Variants in CEP112 observed in about 807,000 individuals in gnomAD.
The protein encoded by CEP112 is centrosomal protein 112.
In CEP112, 127 loss-of-function variants were observed where a neutral mutation model predicts 153.0. That is an observed-to-expected ratio of 0.83 (90% CI 0.72 to 0.96). The LOEUF is 0.96. Ranked by LOEUF, CEP112 falls within the 40% of genes least tolerant of loss-of-function variation. The pLI is 0.00. For synonymous variants in CEP112, 358 were observed against 374.4 expected (o/e 0.96, Z 0.51); for missense variants, 1,089 against 1,101.2 (o/e 0.99, Z 0.16).
intron 21 of CEP112, among the ~76,000 whole-genome samples, chr17:65,821,403 G>A (rs904770197): frequency 2.0e-5 from 3 of 147,420 alleles, no homozygotes; most frequent in African/African-American, 7.5e-5. Flanking sequence ...TGTTTAAGGG[G>A]AATATAATGC....
intron 21 of CEP112, among the ~76,000 whole-genome samples, chr17:65,848,788 G>T (rs565960153): frequency 7.2e-5 from 11 of 152,118 alleles, no homozygotes; most frequent in Non-Finnish European, 1.3e-4. Flanking sequence ...ATTCCTGATC[G>T]ATTTATATTT....
At chr17:66,144,291 T>A (rs2070830394) in intron 4 of CEP112, among the ~76,000 whole-genome samples, 1 of 152,196 alleles carries the variant, frequency 6.6e-6, no homozygotes, top group Non-Finnish European at 1.5e-5. Context: ...CAAGCAGTAT[T>A]TTCAAGAGTC....
intron 18 of CEP112, among the ~76,000 whole-genome samples, chr17:65,950,188 A>G (rs927512598): frequency 6.6e-6 from 1 of 152,178 alleles, no homozygotes; most frequent in African/African-American, 2.4e-5. Flanking sequence ...GTTAGGTGGA[A>G]AATAGCTTAT....
chr17:65,846,669 C>T (rs930412300), intron 21 of CEP112, among the ~76,000 whole-genome samples: 1 of 152,140 alleles, frequency 6.6e-6, no homozygotes, highest in Non-Finnish European at 1.5e-5. Context: ...CCCGGGTTCA[C>T]GCCATTCTCT....
At chr17:65,925,135 GC>G (rs1269296560) in intron 19 of CEP112, among the ~76,000 whole-genome samples, 9 of 152,152 alleles carry the variant, frequency 5.9e-5, no homozygotes, top group African/African-American at 2.2e-4. Context: ...CATGGGGGCA[GC>G]TTCCCCCCGT....
At chr17:65,713,722 G>A (rs1205783284) in intron 23 of CEP112, among the ~76,000 whole-genome samples, 1 of 152,138 alleles carries the variant, frequency 6.6e-6, no homozygotes, top group Middle Eastern at 3.2e-3. Context: ...AAGTAGCTGG[G>A]AATACAGGCA....
intron 10 of CEP112, among the ~76,000 whole-genome samples, chr17:66,063,524 T>G (rs2067002438): frequency 6.6e-6 from 1 of 152,084 alleles, no homozygotes; most frequent in Non-Finnish European, 1.5e-5. Flanking sequence ...GGGTGTGGGC[T>G]AAAAACTACA....
At chr17:65,807,549 A>C (rs914966953) in intron 21 of CEP112, among the ~76,000 whole-genome samples, 3 of 152,124 alleles carry the variant, frequency 2.0e-5, no homozygotes, top group Admixed American at 2.0e-4. Context: ...GAGGACTAGG[A>C]GGGAAAAATG....
intron 23 of CEP112, among the ~76,000 whole-genome samples, chr17:65,733,798 G>T (rs2050645556): frequency 1.3e-5 from 2 of 152,284 alleles, no homozygotes; most frequent in Middle Eastern, 3.4e-3. Context: ...TTGCACTAAA[G>T]CTTGCTCTCA....
intron 19 of CEP112, among the ~76,000 whole-genome samples, chr17:65,921,768 C>T (rs915248376): frequency 3.3e-5 from 5 of 152,044 alleles, no homozygotes; most frequent in Admixed American, 6.6e-5. Context: ...AAGAATTTAT[C>T]GGTATCCCTT....
At chr17:66,046,200 G>A (rs954182517) in intron 12 of CEP112, among the ~76,000 whole-genome samples, 4 of 151,954 alleles carry the variant, frequency 2.6e-5, no homozygotes, top group East Asian at 3.9e-4. Context: ...ATGCTGCCAC[G>A]CCCGGCTAAT....
At chr17:66,166,552 T>C (rs1045995776) in intron 4 of CEP112, among the ~76,000 whole-genome samples, 3 of 152,118 alleles carry the variant, frequency 2.0e-5, no homozygotes, top group African/African-American at 7.2e-5. Flanking sequence ...TACTTTTGTG[T>C]TCTTTGAGAT....
intron 24 of CEP112, among the ~76,000 whole-genome samples, chr17:65,654,213 T>C (rs1363638551): frequency 1.3e-5 from 2 of 152,174 alleles, no homozygotes; most frequent in Admixed American, 6.5e-5. Flanking sequence ...CCACAGCAAC[T>C]GCCAAGAAAA....
chr17:65,905,610 A>C (rs1163346111), intron 19 of CEP112, among the ~76,000 whole-genome samples: 2 of 152,222 alleles, frequency 1.3e-5, no homozygotes, highest in Non-Finnish European at 2.9e-5. Context: ...TATATACCCA[A>C]AGGATTTTAA....
At chr17:65,742,351 T>G (rs897138368) in intron 23 of CEP112, among the ~76,000 whole-genome samples, 3 of 152,210 alleles carry the variant, frequency 2.0e-5, no homozygotes, top group African/African-American at 7.2e-5. Context: ...CTTTAAAAAT[T>G]TTTTGTTCTC....
intron 12 of CEP112, among the ~76,000 whole-genome samples, chr17:66,042,207 G>A (rs958468973): frequency 2.6e-5 from 4 of 152,042 alleles, no homozygotes; most frequent in Non-Finnish European, 5.9e-5. Flanking sequence ...AAAATTAGCT[G>A]GGCATGGTGG....
chr17:66,024,915 C>T (rs1284498201), intron 16 of CEP112, among the ~76,000 whole-genome samples: 3 of 152,056 alleles, frequency 2.0e-5, no homozygotes, highest in African/African-American at 7.2e-5. Context: ...GTTATAGTAA[C>T]TAAAACAGCA....
At chr17:66,184,782 A>C (rs527390785) in intron 1 of CEP112, among the ~76,000 whole-genome samples, 5 of 152,200 alleles carry the variant, frequency 3.3e-5, no homozygotes, top group African/African-American at 1.2e-4. Flanking sequence ...TATATACACA[A>C]AAAAATCCAA....
intron 1 of CEP112, among the ~76,000 whole-genome samples, chr17:66,188,278 CACACACAA>C (rs200889258): frequency 0.053 from 3,293 of 61,824 alleles, 55 homozygotes; most frequent in African/African-American, 0.075. Flanking sequence ...TCTCACACCA[CACACACAA>C]ACACACACAC....
Sources: gnomAD v4.1 joint callset for allele counts (sites outside exome capture counted in the v4.1 genomes callset) on GRCh38, gnomAD v4.1.1 for gene constraint, MANE v1.5 for transcripts, NCBI Gene and HGNC (gene_info 2026-07-23, HGNC 2026-07-21) for gene names.